PCDHGB6: variants seen among roughly 807,000 people sequenced by gnomAD.
The protein encoded by PCDHGB6 is protocadherin gamma subfamily B, 6.
PCDHGB6 carries 51 observed loss-of-function variants against 59.1 expected under a neutral mutation model. The ratio of observed to expected loss-of-function variants is 0.86; its 90% CI spans 0.69 to 1.09. The LOEUF (loss-of-function observed/expected upper bound fraction) is 1.09. PCDHGB6 is among the 50% of genes least tolerant of loss of function. The pLI is 0.00. For synonymous variants in PCDHGB6, 466 were observed against 495.1 expected, an observed-to-expected ratio of 0.94 and a Z score of 0.78; for missense variants, 1,148 against 1,205.1, an observed-to-expected ratio of 0.95 and a Z score of 0.70.
chr5:141,418,606 T>A (rs1279991875), intron 1 of PCDHGB6: 1 of 1,614,030 alleles, frequency 6.2e-7, no homozygotes. Context: ...TGTACAGGGT[T>A]AGCCTTCGGG....
In PCDHGB6 at chr5:141,489,782, A is replaced by C. The variant is rs770399288; in HGVS notation, c.2419-5025A>C. On this transcript the variant is annotated intron_variant, in intron 1 of 3. Coordinates refer to ENST00000520790, the MANE Select transcript of PCDHGB6 (RefSeq NM_018926.3). The surrounding 1 kb of genome is among the most constrained non-coding windows in gnomAD (Gnocchi z 4.5). ...AGCCCCAACAGCCACTTCTCTCTGA[A>C]TGTGAAGACCCTAAAAGATGGGAAG... 2 of 1,614,078 alleles carry C rather than the reference A, an allele frequency of 1.2e-6. No homozygotes were observed. The highest frequency in any genetic ancestry group is 2.2e-5 in the East Asian group (1 of 44,894).
At position 141,477,539 on chromosome 5, in the gene PCDHGB6, C is replaced by G; in HGVS notation, c.2419-17268C>G. 2 of 1,614,172 alleles carry G rather than the reference C, an allele frequency of 1.2e-6. No individual in the cohort carries two copies. The highest frequency in any genetic ancestry group is 1.7e-6 in the Non-Finnish European group (2 of 1,180,030). On this transcript the variant is annotated intron_variant, in intron 1 of 3. Transcript: ENST00000520790. The surrounding 1 kb of genome is among the most constrained non-coding windows in gnomAD (Gnocchi z 4.9). ...TGAAGAAAACAACCTCCCCGGGGCT[C>G]CAATACTAAACCTAAGTGTCTGGGA...
intron 1 of PCDHGB6, among the ~76,000 whole-genome samples, chr5:141,450,899 A>G (rs1045595271): frequency 1.0e-4 from 15 of 149,514 alleles, no homozygotes; most frequent in African/African-American, 3.7e-4. Context: ...ATATCGGCTC[A>G]CTGCAACCGC....
chr5:141,418,151 G>A (rs1276817622), intron 1 of PCDHGB6: 4 of 1,613,990 alleles, frequency 2.5e-6, no homozygotes, highest in East Asian at 4.5e-5. Context: ...AATATGCAAA[G>A]AGAGAAGAAG....
chr5:141,459,548 C>G (rs980305784), intron 1 of PCDHGB6, among the ~76,000 whole-genome samples: 2 of 152,036 alleles, frequency 1.3e-5, no homozygotes, highest in African/African-American at 4.8e-5. Flanking sequence ...TTTTATTTCT[C>G]TTGGATAAAT....
Position 141,431,920 on chromosome 5 carries a change from A to C in PCDHGB6, c.2418+21300A>C. On this transcript the variant is annotated intron_variant, in intron 1 of 3. Transcript: ENST00000520790. The surrounding 1 kb of genome is among the most constrained non-coding windows in gnomAD (Gnocchi z 4.8). ...ACGGACAGGTGATCTGTTTCATCCA[A>C]GGAAATCTGCCCTTTAAATTAGAAA... 1 of 1,614,164 alleles carries C rather than the reference A, an allele frequency of 6.2e-7. No individual in the cohort carries two copies. Among genetic ancestry groups the C allele is most frequent in the Non-Finnish European group, 8.5e-7 (1 of 1,179,976 alleles).
intron 1 of PCDHGB6, among the ~76,000 whole-genome samples, chr5:141,467,789 G>A (rs1264350552): frequency 6.6e-6 from 1 of 152,066 alleles, no homozygotes; most frequent in Non-Finnish European, 1.5e-5. Context: ...CTCTCAAGTA[G>A]CTGGGACTAC....
chr5:141,499,423 G>GA (rs1229901490), intron 2 of PCDHGB6, among the ~76,000 whole-genome samples: 1 of 151,754 alleles, frequency 6.6e-6, no homozygotes, highest in Non-Finnish European at 1.5e-5. Flanking sequence ...ATGAAAAATA[G>GA]AAAAAAAATT....
Position 141,432,911 on chromosome 5 carries a change from C to G in PCDHGB6, c.2418+22291C>G. 5 of 1,614,176 alleles carry G rather than the reference C, an allele frequency of 3.1e-6. No homozygotes were observed. Among genetic ancestry groups the G allele is most frequent in the Non-Finnish European group, 4.2e-6 (5 of 1,180,014 alleles). Reference sequence around the variant, plus strand: ...CTTGCTGCTGGCGCTCAGGCTGCGGCGCTGGCACAAGTCACGCCTGCTGCA... The same window carrying G: ...CTTGCTGCTGGCGCTCAGGCTGCGGGGCTGGCACAAGTCACGCCTGCTGCA... On this transcript the variant is annotated intron_variant, in intron 1 of 3. Transcript: ENST00000520790. This position sits in a 1 kb window ranked among gnomAD's most constrained non-coding sequence, Gnocchi z 6.0.
At position 141,431,337 on chromosome 5, in the gene PCDHGB6, A is replaced by C. The variant is rs1412811147; in HGVS notation, c.2418+20717A>C. On this transcript the variant is annotated intron_variant, in intron 1 of 3. Coordinates refer to ENST00000520790, the MANE Select transcript of PCDHGB6 (RefSeq NM_018926.3). The surrounding 1 kb of genome is among the most constrained non-coding windows in gnomAD (Gnocchi z 4.8). ...GGAGCCGACGGTAGTAAGTACCCCG[A>C]ATTGGTGCTGAAACGCGCCCTGGAC... 6.2e-7 allele frequency: 1 copy of C among 1,613,926 alleles called. No homozygotes were observed. The highest frequency in any genetic ancestry group is 1.7e-5 in the Admixed American group (1 of 60,006).
At position 141,494,820 on chromosome 5, in the gene PCDHGB6, A is replaced by G; in HGVS notation, c.2432A>G (p.Asn811Ser). ...TTTTCTCCACAGCAAGCCCCGCCCA[A>G]CACGGACTGGCGTTTCTCTCAGGCC... ...PETLTSQAPP[N>S]TDWRFSQAQR... Residue 811 changes from asparagine to serine, a missense_variant, in exon 2 of 4, where the codon AAC becomes AGC. By Grantham distance (46) the Asn-to-Ser change is conservative. Around this residue, in one of 5 missense-constraint regions of PCDHGB6, gnomAD observed 283 missense variants for 318.6 expected, o/e 0.89. Transcript: ENST00000520790. 1.2e-6 allele frequency: 2 copies of G among 1,613,988 alleles called. No individual in the cohort carries two copies. Among genetic ancestry groups the G allele is most frequent in the Middle Eastern group, 1.6e-4 (1 of 6,062 alleles).
At position 141,476,402 on chromosome 5, in the gene PCDHGB6, G is replaced by A. The variant is rs775511298; in HGVS notation, c.2419-18405G>A. The stretch of plus-strand genomic sequence containing the variant: ...TGTGAACGACCGTCTGGATCGAGAG[G>A]AGCTGTGTGGGACACTGCCCTCTTG... On this transcript the variant is annotated intron_variant, in intron 1 of 3. Coordinates refer to ENST00000520790, the MANE Select transcript of PCDHGB6 (RefSeq NM_018926.3). This position sits in a 1 kb window ranked among gnomAD's most constrained non-coding sequence, Gnocchi z 7.6. 9 of 1,613,992 alleles carry A rather than the reference G, an allele frequency of 5.6e-6. No individual in the cohort carries two copies. Among genetic ancestry groups the A allele is most frequent in the African/African-American group, 1.3e-5 (1 of 74,904 alleles).
intron 1 of PCDHGB6, among the ~76,000 whole-genome samples, chr5:141,461,824 T>C (rs958063237): frequency 1.3e-5 from 2 of 151,968 alleles, no homozygotes; most frequent in African/African-American, 4.8e-5. Flanking sequence ...CAGCTAATTT[T>C]TTTTTCTTTT....
At chr5:141,505,345 G>C (rs776607130) in intron 2 of PCDHGB6, 48 bp from the exon 3 acceptor site, 3 of 1,613,086 alleles carry the variant, frequency 1.9e-6, no homozygotes, top group Non-Finnish European at 2.5e-6. Flanking sequence ...AGGGGCATGA[G>C]CTGTGCCGGC....
At chr5:141,430,425 A>G (rs1298131518) in intron 1 of PCDHGB6, among the ~76,000 whole-genome samples, 3 of 152,076 alleles carry the variant, frequency 2.0e-5, no homozygotes, top group Non-Finnish European at 4.4e-5. Context: ...TAAAGCGAAT[A>G]CGGTAGATTT....
At chr5:141,421,889 C>T (rs1280668349) in intron 1 of PCDHGB6, 5 of 1,613,574 alleles carry the variant, frequency 3.1e-6, no homozygotes, top group African/African-American at 1.3e-5. Flanking sequence ...GGAGGCGATC[C>T]CATCCGAAAG....
chr5:141,437,800 C>G (rs963856257), intron 1 of PCDHGB6, among the ~76,000 whole-genome samples: 1 of 150,744 alleles, frequency 6.6e-6, no homozygotes, highest in African/African-American at 2.4e-5. Flanking sequence ...TGCAGTGGCA[C>G]TATCTTGGCT....
chr5:141,427,023 G>A, intron 1 of PCDHGB6: 1 of 456,968 alleles, frequency 2.2e-6, no homozygotes, highest in Non-Finnish European at 4.4e-6. Flanking sequence ...TGTATACAAA[G>A]TCAGCCTTAG....
At chr5:141,467,649 T>C (rs2099147987) in intron 1 of PCDHGB6, among the ~76,000 whole-genome samples, 1 of 152,146 alleles carries the variant, frequency 6.6e-6, no homozygotes, top group Non-Finnish European at 1.5e-5. Flanking sequence ...TGTACCAAAC[T>C]TCTATAGTGC....
Sources: allele counts gnomAD v4.1 joint callset (sites outside exome capture counted in the v4.1 genomes callset), GRCh38; gene constraint gnomAD v4.1.1; regional missense constraint gnomAD v4.1.1; non-coding constraint Gnocchi (gnomAD v3.1); transcripts MANE v1.5; gene names NCBI Gene and HGNC (gene_info 2026-07-23, HGNC 2026-07-21).